Variants in FHOD3 observed in about 807,000 individuals in gnomAD.
The protein encoded by FHOD3 is FH1/FH2 domain-containing protein 3.
FHOD3 carries 90 observed loss-of-function variants against 173.0 expected under a neutral mutation model. The observed-to-expected ratio is 0.52, with a 90% CI of 0.44 to 0.62. The LOEUF (loss-of-function observed/expected upper bound fraction) is 0.62. Among genes scored for constraint, FHOD3 ranks in the 20% least tolerant of loss-of-function variants. The pLI, the probability that FHOD3 is intolerant of heterozygous loss-of-function variation, is 0.00. For missense variants in FHOD3, 1,945 were observed against 2,034.7 expected (o/e 0.96, Z 0.85); for synonymous variants, 828 against 823.0 (o/e 1.01, Z -0.10).
intron 5 of FHOD3, among the ~76,000 whole-genome samples, chr18:36,548,514 A>G (rs1409820492): frequency 2.6e-5 from 4 of 152,210 alleles, no homozygotes; most frequent in Non-Finnish European, 4.4e-5. Flanking sequence ...TGCCGCCATC[A>G]TCACAACCAA....
At chr18:36,497,495 A>G (rs768756344) in intron 3 of FHOD3, among the ~76,000 whole-genome samples, 8 of 152,234 alleles carry the variant, frequency 5.3e-5, no homozygotes, top group Non-Finnish European at 1.2e-4. Flanking sequence ...GAAATTCTAC[A>G]TAGATAGTTT....
chr18:36,542,420 G>A (rs1326246360), intron 5 of FHOD3, among the ~76,000 whole-genome samples: 2 of 152,016 alleles, frequency 1.3e-5, no homozygotes, highest in Non-Finnish European at 2.9e-5. Context: ...ACAGTAGATG[G>A]CCTTTTAATA....
chr18:36,429,859 G>A (rs2050439342), intron 3 of FHOD3, among the ~76,000 whole-genome samples: 1 of 152,046 alleles, frequency 6.6e-6, no homozygotes, highest in Non-Finnish European at 1.5e-5. Context: ...AAAGTGAGAA[G>A]CAGGCCTGGT....
chr18:36,674,840 T>A (rs773809900), intron 14 of FHOD3, among the ~76,000 whole-genome samples: 1 of 152,132 alleles, frequency 6.6e-6, no homozygotes, highest in Non-Finnish European at 1.5e-5. Context: ...TGGGATAAGA[T>A]GTCACAAACT....
intron 3 of FHOD3, among the ~76,000 whole-genome samples, chr18:36,379,130 A>G (rs2047607547): frequency 6.6e-6 from 1 of 152,254 alleles, no homozygotes. Flanking sequence ...TGGCTTTACC[A>G]TCTACAGACA....
At chr18:36,662,811 A>G (rs2036901922) in intron 14 of FHOD3, among the ~76,000 whole-genome samples, 1 of 152,198 alleles carries the variant, frequency 6.6e-6, no homozygotes, top group Non-Finnish European at 1.5e-5. Flanking sequence ...GAGCTCTGGA[A>G]CTTCTATAAT....
chr18:36,746,398 G>A (rs1201201000), intron 23 of FHOD3, among the ~76,000 whole-genome samples: 1 of 152,202 alleles, frequency 6.6e-6, no homozygotes, highest in Non-Finnish European at 1.5e-5. Context: ...AGAGACTGGT[G>A]TATGCTAGTT....
intron 3 of FHOD3, among the ~76,000 whole-genome samples, chr18:36,448,959 C>CCCT (rs2051662918): frequency 6.6e-6 from 1 of 151,710 alleles, no homozygotes; most frequent in Admixed American, 6.6e-5. Context: ...TCCTCCCCCT[C>CCCT]CCTACTTTCC....
At chr18:36,525,103 G>T (rs904913342) in intron 5 of FHOD3, among the ~76,000 whole-genome samples, 1 of 152,136 alleles carries the variant, frequency 6.6e-6, no homozygotes, top group Non-Finnish European at 1.5e-5. Flanking sequence ...GTTTAGGCCA[G>T]ACCTGTGAGT....
At chr18:36,493,442 C>CA (rs1415522205) in intron 3 of FHOD3, among the ~76,000 whole-genome samples, 1 of 152,070 alleles carries the variant, frequency 6.6e-6, no homozygotes, top group African/African-American at 2.4e-5. Flanking sequence ...TCACGTGCCG[C>CA]ATTTGAGTTC....
chr18:36,328,437 G>A (rs1285814815), intron 1 of FHOD3, among the ~76,000 whole-genome samples: 2 of 152,132 alleles, frequency 1.3e-5, no homozygotes, highest in African/African-American at 2.4e-5. Context: ...TGGGAATCCA[G>A]AGTGGCTGGA....
intron 20 of FHOD3, among the ~76,000 whole-genome samples, chr18:36,733,391 A>G (rs1029172712): frequency 1.3e-5 from 2 of 152,224 alleles, no homozygotes; most frequent in Non-Finnish European, 2.9e-5. Context: ...AGAGAGCACA[A>G]AAGCTTCAGA....
intron 1 of FHOD3, among the ~76,000 whole-genome samples, chr18:36,328,380 G>A (rs907357388): frequency 2.0e-5 from 3 of 152,174 alleles, no homozygotes; most frequent in Non-Finnish European, 4.4e-5. Context: ...AACAGCAAGT[G>A]CAAGGGTCCT....
At chr18:36,506,878 A>G (rs903526977) in intron 4 of FHOD3, among the ~76,000 whole-genome samples, 3 of 152,234 alleles carry the variant, frequency 2.0e-5, no homozygotes, top group Non-Finnish European at 4.4e-5. Context: ...CCCATCCAGA[A>G]GAATGCCTCC....
chr18:36,389,638 A>G (rs1459308340), intron 3 of FHOD3, among the ~76,000 whole-genome samples: 1 of 151,974 alleles, frequency 6.6e-6, no homozygotes. Flanking sequence ...TGCTCTCTCT[A>G]TGTATAGACC....
At chr18:36,548,161 C>T (rs1285857527) in intron 5 of FHOD3, among the ~76,000 whole-genome samples, 1 of 152,140 alleles carries the variant, frequency 6.6e-6, no homozygotes, top group African/African-American at 2.4e-5. Context: ...CACTGCACTC[C>T]AGCCTGGGTG....
chr18:36,679,561 G>T (rs766343616), intron 14 of FHOD3, among the ~76,000 whole-genome samples: 1 of 151,668 alleles, frequency 6.6e-6, no homozygotes, highest in Non-Finnish European at 1.5e-5. Context: ...TACTTTAGAG[G>T]TATTCTACAA....
At chr18:36,583,848 C>A (rs575635097) in intron 6 of FHOD3, among the ~76,000 whole-genome samples, 1 of 151,744 alleles carries the variant, frequency 6.6e-6, no homozygotes, top group Non-Finnish European at 1.5e-5. Flanking sequence ...TATTTTGAGA[C>A]GGAGTCTCAC....
chr18:36,461,235 T>G (rs2052531426), intron 3 of FHOD3, among the ~76,000 whole-genome samples: 1 of 152,212 alleles, frequency 6.6e-6, no homozygotes, highest in Non-Finnish European at 1.5e-5. Flanking sequence ...CTGTCCTTCC[T>G]GTGTCAACAC....
Sources: gnomAD v4.1 joint callset for allele counts (sites outside exome capture counted in the v4.1 genomes callset) on GRCh38, gnomAD v4.1.1 for gene constraint, MANE v1.5 for transcripts, NCBI Gene and HGNC (gene_info 2026-07-23, HGNC 2026-07-21) for gene names.